NME9: variants seen among roughly 807,000 people sequenced by gnomAD.
NME9 encodes the protein NME/NM23 family member 9.
NME9 carries 48 observed loss-of-function variants against 44.4 expected under a neutral mutation model. The observed-to-expected ratio is 1.08, with a 90% CI of 0.86 to 1.37. The LOEUF (loss-of-function observed/expected upper bound fraction) is 1.37, where lower values mean the gene tolerates loss of function less well. Among genes scored for constraint, NME9 ranks in the 40% most tolerant of loss-of-function variants. The pLI, the probability that NME9 is intolerant of heterozygous loss-of-function variation, is 0.00. For missense variants in NME9, 325 were observed against 405.2 expected, an observed-to-expected ratio of 0.80 and a Z score of 1.70; for synonymous variants, 139 against 147.1, an observed-to-expected ratio of 0.94 and a Z score of 0.40.
chr3:138,319,809 T>C (rs2053351510), intron 2 of NME9, among the ~76,000 whole-genome samples: 1 of 152,208 alleles, frequency 6.6e-6, no homozygotes, highest in Admixed American at 6.5e-5. Flanking sequence ...AGTATAAGCA[T>C]AGCAGAAAAT....
At chr3:138,292,421 A>G (rs1269926821) in intron 8 of NME9, among the ~76,000 whole-genome samples, 1 of 152,242 alleles carries the variant, frequency 6.6e-6, no homozygotes, top group African/African-American at 2.4e-5. Flanking sequence ...CACAGAGACC[A>G]GTTAAAGGCC....
chr3:138,294,037 A>G (rs2051239027), intron 8 of NME9, among the ~76,000 whole-genome samples: 1 of 152,224 alleles, frequency 6.6e-6, no homozygotes, highest in Non-Finnish European at 1.5e-5. Context: ...AGATAATGAC[A>G]GTAGAAAGAC....
intron 5 of NME9, 41 bp from the exon 6 acceptor site, chr3:138,314,448 T>G (rs1411780825): frequency 2.4e-6 from 3 of 1,229,710 alleles, no homozygotes; most frequent in African/African-American, 1.5e-5. Context: ...GTTAGCTAAT[T>G]AACATTACCA....
chr3:138,313,422 A>G (rs889435031), intron 6 of NME9, among the ~76,000 whole-genome samples: 1 of 152,096 alleles, frequency 6.6e-6, no homozygotes, highest in Non-Finnish European at 1.5e-5. Flanking sequence ...AAAAAAAAGA[A>G]TAATGAGGTG....
intron 8 of NME9, among the ~76,000 whole-genome samples, chr3:138,266,793 G>A (rs2048325982): frequency 6.6e-6 from 1 of 152,122 alleles, no homozygotes; most frequent in Non-Finnish European, 1.5e-5. Flanking sequence ...GGACCATTCT[G>A]TAGACTCATA....
At chr3:138,308,569 TAAGA>T (rs1306757937) in intron 6 of NME9, among the ~76,000 whole-genome samples, 1 of 152,164 alleles carries the variant, frequency 6.6e-6, no homozygotes, top group African/African-American at 2.4e-5. Flanking sequence ...TTCTAACATT[TAAGA>T]AAGAGGTGAA....
downstream of NME9, among the ~76,000 whole-genome samples, chr3:138,298,807 A>G (rs1255997408): frequency 6.6e-6 from 1 of 152,138 alleles, no homozygotes; most frequent in African/African-American, 2.4e-5. Context: ...ACCTTTTCCC[A>G]TCTCTGAATT....
Position 138,305,004 on chromosome 3 carries a change from A to T in NME9, c.660T>A (p.His220Gln). The change falls in exon 9 of 11, where the codon CAT becomes CAA. Residue 220 changes from histidine to glutamine, a missense_variant. Transcript: ENST00000333911. ...AGEEAFEKLV[H>Q]HMCSGPSHLL... Reference sequence around the variant, plus strand: ...GGTGGCTTGGTCCACTGCACATGTGATGTACCAGCTTCTCAAATGCCTCCT... The same window carrying T: ...GGTGGCTTGGTCCACTGCACATGTGTTGTACCAGCTTCTCAAATGCCTCCT... 6.2e-7 allele frequency: 1 copy of T among 1,614,010 alleles called. No individual in the cohort carries two copies. Among genetic ancestry groups the T allele is most frequent in the Non-Finnish European group, 8.5e-7 (1 of 1,179,944 alleles).
At chr3:138,288,254 A>G (rs1333496696) in intron 8 of NME9, among the ~76,000 whole-genome samples, 2 of 152,184 alleles carry the variant, frequency 1.3e-5, no homozygotes, top group African/African-American at 4.8e-5. Flanking sequence ...TTCTTCCCCA[A>G]AGGAATTATT....
At chr3:138,274,253 G>GTGTGTGTGTGTGTGTT (rs1310352948) in intron 8 of NME9, among the ~76,000 whole-genome samples, 3 of 152,040 alleles carry the variant, frequency 2.0e-5, no homozygotes, top group Non-Finnish European at 4.4e-5. Context: ...GTGTGTGTGT[G>GTGTGTGTGTGTGTGTT]TGTGTGTATG....
intron 10 of NME9, among the ~76,000 whole-genome samples, 176 bp from the exon 11 acceptor site, chr3:138,301,880 A>G (rs908932136): frequency 3.9e-5 from 6 of 152,260 alleles, no homozygotes; most frequent in Non-Finnish European, 7.3e-5. Flanking sequence ...GATAACATTG[A>G]GCATTTAATT....
At chr3:138,303,470 T>C (rs2051988212) in intron 10 of NME9, 37 bp downstream of exon 10, 1 of 1,561,638 alleles carries the variant, frequency 6.4e-7, no homozygotes, top group Non-Finnish European at 8.8e-7. Flanking sequence ...CTTGTATCTA[T>C]GATTTAATAA....
chr3:138,311,682 T>C (rs2052712635), intron 6 of NME9, among the ~76,000 whole-genome samples: 1 of 152,158 alleles, frequency 6.6e-6, no homozygotes, highest in African/African-American at 2.4e-5. Flanking sequence ...TTCAATAAAA[T>C]TTGAATTCCC....
At chr3:138,270,555 A>T (rs2048694028) in intron 8 of NME9, among the ~76,000 whole-genome samples, 1 of 152,184 alleles carries the variant, frequency 6.6e-6, no homozygotes, top group Admixed American at 6.5e-5. Context: ...CAGAATGATT[A>T]TTTTTTTTAA....
At chr3:138,269,790 A>C (rs2048605954) in intron 8 of NME9, among the ~76,000 whole-genome samples, 1 of 150,984 alleles carries the variant, frequency 6.6e-6, no homozygotes. Context: ...ATAAAAGGAA[A>C]TGACAGAGTG....
At chr3:138,327,509 C>G (rs1445822962) in intron 1 of NME9, among the ~76,000 whole-genome samples, 7 of 152,242 alleles carry the variant, frequency 4.6e-5, no homozygotes, top group Non-Finnish European at 1.0e-4. Flanking sequence ...AGTGTGGGAA[C>G]TATCCGGACT....
At chr3:138,281,433 C>CA (rs2049918691) in intron 8 of NME9, among the ~76,000 whole-genome samples, 1 of 152,016 alleles carries the variant, frequency 6.6e-6, no homozygotes. Context: ...GCTGGGACTA[C>CA]AGGCATGCGC....
In NME9 at chr3:138,329,647, C is replaced by T. The variant is rs2054002810; in HGVS notation, c.-312G>A. On this transcript the variant is annotated 5_prime_UTR_variant, in exon 1 of 11. Transcript: ENST00000333911. ...AGGGGGCGCGCGCAGAGGCCGGAGTCAGTGCGCCGGGCGCGGTGCAGCCTG... is the reference window on the plus strand; with the variant it reads ...AGGGGGCGCGCGCAGAGGCCGGAGTTAGTGCGCCGGGCGCGGTGCAGCCTG... 1 of 1,269,394 alleles carries T rather than the reference C, an allele frequency of 7.9e-7. No individual in the cohort carries two copies. Among genetic ancestry groups the T allele is most frequent in the Non-Finnish European group, 9.9e-7 (1 of 1,006,894 alleles). 78.6% of individuals were successfully genotyped at this position (1,269,394 alleles called of 1,614,324 possible).
intron 8 of NME9, among the ~76,000 whole-genome samples, chr3:138,294,534 T>C (rs548077595): frequency 1.3e-5 from 2 of 152,354 alleles, no homozygotes; most frequent in African/African-American, 4.8e-5. Flanking sequence ...TAGAGTCTTA[T>C]ATAATTGCAA....
Sources: allele counts gnomAD v4.1 joint callset (sites outside exome capture counted in the v4.1 genomes callset), GRCh38; gene constraint gnomAD v4.1.1; transcripts MANE v1.5; gene names NCBI Gene and HGNC (gene_info 2026-07-23, HGNC 2026-07-21).